Variants in PRRX2 observed in about 807,000 individuals in gnomAD.
PRRX2 encodes the protein paired mesoderm homeobox protein 2.
In PRRX2, 11 loss-of-function variants were observed where a neutral mutation model predicts 18.0. The ratio of observed to expected loss-of-function variants is 0.61; its 90% CI spans 0.39 to 1.01. PRRX2 has a LOEUF of 1.01. Ranked by LOEUF, PRRX2 falls within the 50% of genes least tolerant of loss-of-function variation. PRRX2 has a pLI of 0.01. For missense variants in PRRX2, 387 were observed against 351.0 expected, an observed-to-expected ratio of 1.10 and a Z score of -0.82; for synonymous variants, 177 against 154.8, an observed-to-expected ratio of 1.14 and a Z score of -1.06.
rs1470559168 is a variant in PRRX2 at position 129,695,781 on chromosome 9, T to G, written c.260-23450T>G. Among the ~76,000 whole-genome samples, 2 of 152,226 alleles carry G rather than the reference T, an allele frequency of 1.3e-5. No individual in the cohort carries two copies. The highest frequency in any genetic ancestry group is 4.8e-5 in the African/African-American group (2 of 41,458). ...GGGAACTTTTTAAAAGTGAGTTTTT[T>G]TTCTAAAATCCAGAATTTCTGACAG... On this transcript the variant is annotated intron_variant, in intron 1 of 3. Coordinates refer to ENST00000372469, the MANE Select transcript of PRRX2 (RefSeq NM_016307.4). The surrounding 1 kb of genome is among the most constrained non-coding windows in gnomAD (Gnocchi z 4.8).
At chr9:129,668,927 T>C (rs1410861755) in intron 1 of PRRX2, among the ~76,000 whole-genome samples, 1 of 151,366 alleles carries the variant, frequency 6.6e-6, no homozygotes, top group Admixed American at 6.6e-5. Context: ...GGCAGTTGGA[T>C]CACAAGGTCA....
At chr9:129,682,409 A>G (rs1312260280) in intron 1 of PRRX2, among the ~76,000 whole-genome samples, 1 of 152,106 alleles carries the variant, frequency 6.6e-6, no homozygotes, top group Non-Finnish European at 1.5e-5. Context: ...AGGACCAGCC[A>G]TACCCCTGGC....
At chr9:129,699,437 A>ATGTGTGTGTGTGTG (rs1331347283) in intron 1 of PRRX2, among the ~76,000 whole-genome samples, 7 of 140,346 alleles carry the variant, frequency 5.0e-5, no homozygotes, top group African/African-American at 2.0e-4. Flanking sequence ...AAAAATATAT[A>ATGTGTGTGTGTGTG]TATGTGTGTG....
intron 1 of PRRX2, among the ~76,000 whole-genome samples, chr9:129,708,564 A>G (rs1832583592): frequency 6.6e-6 from 1 of 152,246 alleles, no homozygotes; most frequent in South Asian, 2.1e-4. Context: ...TCTAAACATA[A>G]GTCCCTTACC....
chr9:129,699,437 A>ATG (rs1331347283), intron 1 of PRRX2, among the ~76,000 whole-genome samples: 12 of 140,452 alleles, frequency 8.5e-5, no homozygotes, highest in East Asian at 7.9e-4. Flanking sequence ...AAAAATATAT[A>ATG]TATGTGTGTG....
intron 1 of PRRX2, among the ~76,000 whole-genome samples, chr9:129,668,988 A>G (rs1832064658): frequency 6.6e-6 from 1 of 151,856 alleles, no homozygotes; most frequent in Non-Finnish European, 1.5e-5. Flanking sequence ...CTCTACTAAA[A>G]CTACACAAAT....
chr9:129,710,237 C>T (rs769260345), intron 1 of PRRX2, among the ~76,000 whole-genome samples: 1 of 152,122 alleles, frequency 6.6e-6, no homozygotes, highest in Non-Finnish European at 1.5e-5. Context: ...GAGGCAGGGA[C>T]CTGGAACAGC....
intron 1 of PRRX2, among the ~76,000 whole-genome samples, chr9:129,707,208 A>T (rs968543187): frequency 6.6e-6 from 1 of 151,948 alleles, no homozygotes; most frequent in Admixed American, 6.6e-5. Context: ...GTGAGCTGAG[A>T]TGGCGCCACT....
Position 129,671,118 on chromosome 9 carries a change from C to T in PRRX2, c.259+4992C>T, listed in dbSNP as rs1020033171. On this transcript the variant is annotated intron_variant, in intron 1 of 3. Coordinates refer to ENST00000372469, the MANE Select transcript of PRRX2 (RefSeq NM_016307.4). The surrounding 1 kb of genome is among the most constrained non-coding windows in gnomAD (Gnocchi z 4.0). ...TCAGGCTTAGGAACCCCATGATGGG[C>T]GTGTCTCCCTGGGATGTGGGGTCTC... Among the ~76,000 whole-genome samples the T allele has an allele frequency of 1.3e-5, 2 of 152,202 alleles. No individual in the cohort carries two copies. Among genetic ancestry groups the T allele is most frequent in the African/African-American group, 2.4e-5 (1 of 41,452 alleles).
intron 1 of PRRX2, among the ~76,000 whole-genome samples, chr9:129,685,388 G>T (rs562265385): frequency 1.3e-5 from 2 of 152,070 alleles, no homozygotes; most frequent in East Asian, 3.9e-4. Context: ...TTTTTTTGAG[G>T]CAGGGTCTCA....
At chr9:129,677,114 G>A (rs760181618) in intron 1 of PRRX2, among the ~76,000 whole-genome samples, 4 of 152,324 alleles carry the variant, frequency 2.6e-5, no homozygotes, top group Non-Finnish European at 5.9e-5. Flanking sequence ...GTTTTGAGGC[G>A]TGGTGCTGGG....
At chr9:129,700,325 TTTG>T (rs1262979362) in intron 1 of PRRX2, among the ~76,000 whole-genome samples, 46 of 148,648 alleles carry the variant, frequency 3.1e-4, no homozygotes, top group African/African-American at 1.1e-3. Context: ...TTTTTTTTGG[TTTG>T]TTGTTGTTGT....
chr9:129,680,301 T>G (rs1377033170), intron 1 of PRRX2, among the ~76,000 whole-genome samples: 1 of 147,738 alleles, frequency 6.8e-6, no homozygotes, highest in East Asian at 2.0e-4. Flanking sequence ...CTCCGGAGGC[T>G]GACACAGGAG....
intron 2 of PRRX2, among the ~76,000 whole-genome samples, chr9:129,719,986 C>A (rs1000276422): frequency 9.9e-5 from 15 of 151,724 alleles, no homozygotes; most frequent in African/African-American, 3.6e-4. Flanking sequence ...GACCCTGTCT[C>A]AATAAATAAA....
rs749511698 is a variant in PRRX2, at chr9:129,719,373, C to A, written c.402C>A (p.Arg134=). The change falls in exon 2 of 4, where the codon CGC becomes CGA. Residue 134 remains arginine, a synonymous_variant. Transcript: ENST00000372469. ...CGCACTACCCCGACGCCTTTGTGCG[C>A]GAGGAGCTTGCCCGGCGCGTCAACC... ...ERTHYPDAFV[R]EELARRVNLS... 1.3e-6 allele frequency: 2 copies of A among 1,563,694 alleles called. No homozygotes were observed. Among genetic ancestry groups the A allele is most frequent in the Non-Finnish European group, 1.7e-6 (2 of 1,155,422 alleles).
intron 1 of PRRX2, among the ~76,000 whole-genome samples, chr9:129,690,481 G>A (rs182973635): frequency 6.6e-6 from 1 of 150,964 alleles, no homozygotes; most frequent in East Asian, 2.0e-4. Context: ...GACATGACTA[G>A]CACCATAAGT....
intron 1 of PRRX2, among the ~76,000 whole-genome samples, chr9:129,707,810 G>A (rs1185749886): frequency 6.6e-6 from 1 of 151,040 alleles, no homozygotes; most frequent in East Asian, 1.9e-4. Context: ...AAAAAATGCT[G>A]CTATGGACAT....
intron 1 of PRRX2, among the ~76,000 whole-genome samples, chr9:129,668,482 A>G (rs1202742462): frequency 1.3e-5 from 2 of 152,100 alleles, no homozygotes; most frequent in Non-Finnish European, 2.9e-5. Context: ...TTCAGGTCCA[A>G]AGAAAGATGG....
At chr9:129,667,451 A>G (rs1160249333) in intron 1 of PRRX2, among the ~76,000 whole-genome samples, 2 of 152,114 alleles carry the variant, frequency 1.3e-5, no homozygotes, top group East Asian at 3.9e-4. Context: ...AGGACAGAGG[A>G]GAGGTCCCGG....
Sources: gnomAD v4.1 joint callset for allele counts (sites outside exome capture counted in the v4.1 genomes callset) on GRCh38, gnomAD v4.1.1 for gene constraint, Gnocchi (gnomAD v3.1) non-coding constraint, MANE v1.5 for transcripts, NCBI Gene and HGNC (gene_info 2026-07-23, HGNC 2026-07-21) for gene names.